The following INPP4B variants were observed in gnomAD, a reference collection of about 807,000 sequenced individuals.
INPP4B encodes the protein inositol polyphosphate-4-phosphatase type II B.
In INPP4B, 55 loss-of-function variants were observed where a neutral mutation model predicts 122.5. The observed-to-expected ratio is 0.45, with a 90% CI of 0.36 to 0.56. The LOEUF is 0.56. Ranked by LOEUF, INPP4B falls within the 20% of genes least tolerant of loss-of-function variation. The pLI is 0.00. For missense variants in INPP4B, 1,000 were observed against 1,097.7 expected, an observed-to-expected ratio of 0.91 and a Z score of 1.26; for synonymous variants, 403 against 388.7, an observed-to-expected ratio of 1.04 and a Z score of -0.43.
At chr4:142,132,293 G>C (rs752561172) in intron 18 of INPP4B, among the ~76,000 whole-genome samples, 1 of 151,850 alleles carries the variant, frequency 6.6e-6, no homozygotes, top group East Asian at 1.9e-4. Context: ...GGAGAGAGCA[G>C]AGGCAATGCA....
intron 18 of INPP4B, among the ~76,000 whole-genome samples, chr4:142,131,075 T>C (rs541732820): frequency 2.0e-5 from 3 of 152,218 alleles, no homozygotes; most frequent in Non-Finnish European, 2.9e-5. Flanking sequence ...AAGTTTTAAA[T>C]TCAGGTTATG....
intron 2 of INPP4B, among the ~76,000 whole-genome samples, chr4:142,594,498 A>G (rs1274679917): frequency 6.6e-6 from 1 of 152,220 alleles, no homozygotes; most frequent in Non-Finnish European, 1.5e-5. Context: ...AGACACAGAG[A>G]GAAAGCAGCT....
intron 18 of INPP4B, among the ~76,000 whole-genome samples, chr4:142,128,678 G>A (rs1277252792): frequency 1.3e-5 from 2 of 152,078 alleles, no homozygotes; most frequent in Non-Finnish European, 2.9e-5. Flanking sequence ...AGTGTGTTGG[G>A]AGCCATCCAA....
At chr4:142,047,207 C>T (rs543085453) in intron 25 of INPP4B, among the ~76,000 whole-genome samples, 13 of 152,056 alleles carry the variant, frequency 8.5e-5, no homozygotes, top group Admixed American at 2.6e-4. Flanking sequence ...TCAGAGTTAA[C>T]TTTTTTGATA....
chr4:142,831,577 A>G (rs1276001641), intron 1 of INPP4B, among the ~76,000 whole-genome samples: 1 of 152,228 alleles, frequency 6.6e-6, no homozygotes, highest in East Asian at 1.9e-4. Flanking sequence ...AATTTAAAGA[A>G]CATGGTACCT....
chr4:142,644,905 C>CAAA (rs72460445), intron 2 of INPP4B, among the ~76,000 whole-genome samples: 11 of 66,138 alleles, frequency 1.7e-4, no homozygotes, highest in East Asian at 4.5e-4. Flanking sequence ...GACTCCATCT[C>CAAA]AAAAAAAAAA....
intron 17 of INPP4B, among the ~76,000 whole-genome samples, chr4:142,158,804 G>A (rs1561323197): frequency 6.6e-6 from 1 of 151,460 alleles, no homozygotes. Context: ...GGGTCAAGGT[G>A]AGGGGGAAGG....
At chr4:142,545,757 A>ATGTGTG (rs1305983393) in intron 2 of INPP4B, among the ~76,000 whole-genome samples, 1 of 84,932 alleles carries the variant, frequency 1.2e-5, no homozygotes. Context: ...ATATATACAC[A>ATGTGTG]TGTATATGTG....
chr4:142,055,402 A>G (rs1757078859), intron 25 of INPP4B, among the ~76,000 whole-genome samples: 1 of 152,224 alleles, frequency 6.6e-6, no homozygotes, highest in Admixed American at 6.5e-5. Context: ...TATGGTAAAT[A>G]TAATCATCTA....
chr4:142,408,021 A>G (rs1397262581), intron 5 of INPP4B, among the ~76,000 whole-genome samples: 1 of 152,200 alleles, frequency 6.6e-6, no homozygotes, highest in East Asian at 1.9e-4. Flanking sequence ...AAAAGCTGTT[A>G]CCAGGTCCAA....
At chr4:142,736,354 T>G (rs986476147) in intron 1 of INPP4B, among the ~76,000 whole-genome samples, 1 of 152,224 alleles carries the variant, frequency 6.6e-6, no homozygotes, top group African/African-American at 2.4e-5. Flanking sequence ...TCTAGTCTGT[T>G]ATAATTAATA....
intron 7 of INPP4B, among the ~76,000 whole-genome samples, chr4:142,387,463 T>C (rs1796310198): frequency 2.0e-5 from 3 of 147,394 alleles, no homozygotes; most frequent in Admixed American, 6.8e-5. Flanking sequence ...TGAACAACAA[T>C]GCACTGAAGT....
At chr4:142,341,823 A>T (rs1377795058) in intron 7 of INPP4B, among the ~76,000 whole-genome samples, 1 of 152,156 alleles carries the variant, frequency 6.6e-6, no homozygotes, top group Non-Finnish European at 1.5e-5. Flanking sequence ...ATCTGAGACG[A>T]GTCAAAAGCT....
intron 2 of INPP4B, among the ~76,000 whole-genome samples, chr4:142,631,523 G>C (rs921753145): frequency 1.1e-4 from 17 of 152,116 alleles, no homozygotes; most frequent in African/African-American, 4.1e-4. Flanking sequence ...TTGCATTATT[G>C]GAAACAATAC....
chr4:142,031,192 G>C (rs1448087029), intron 25 of INPP4B, among the ~76,000 whole-genome samples: 2 of 151,970 alleles, frequency 1.3e-5, no homozygotes. Context: ...TCAGTATTCA[G>C]AGTATTAAGA....
chr4:142,809,738 CCT>C (rs1301697601), intron 1 of INPP4B, among the ~76,000 whole-genome samples: 2 of 152,090 alleles, frequency 1.3e-5, no homozygotes, highest in Non-Finnish European at 2.9e-5. Context: ...TCTTTCTTCC[CCT>C]GTTTTCTCCT....
At chr4:142,029,842 C>CA in intron 25 of INPP4B, 1 of 1,063,110 alleles carries the variant, frequency 9.4e-7, no homozygotes, top group Non-Finnish European at 1.1e-6. Flanking sequence ...TTCAGAACTT[C>CA]AAGCTTTCAG....
At chr4:142,775,322 C>T (rs1773691038) in intron 1 of INPP4B, among the ~76,000 whole-genome samples, 2 of 152,214 alleles carry the variant, frequency 1.3e-5, no homozygotes, top group Admixed American at 1.3e-4. Context: ...GATAGTTATG[C>T]TCAAACTTCA....
intron 3 of INPP4B, among the ~76,000 whole-genome samples, chr4:142,438,255 A>G (rs764531182): frequency 6.6e-6 from 1 of 152,202 alleles, no homozygotes; most frequent in African/African-American, 2.4e-5. Context: ...TATAATCCTA[A>G]GCAAAAGAAC....
Sources: gnomAD v4.1 joint callset for allele counts (sites outside exome capture counted in the v4.1 genomes callset) on GRCh38, gnomAD v4.1.1 for gene constraint, MANE v1.5 for transcripts, NCBI Gene and HGNC (gene_info 2026-07-23, HGNC 2026-07-21) for gene names.